The following PCDHA8 variants were observed in gnomAD, a reference collection of about 807,000 sequenced individuals.
PCDHA8 encodes protocadherin alpha-8.
A neutral mutation model predicts 61.8 loss-of-function variants in PCDHA8; 53 were observed. The ratio of observed to expected loss-of-function variants is 0.86; its 90% CI spans 0.69 to 1.08. The LOEUF is 1.08. PCDHA8 is among the 50% of genes least tolerant of loss of function. The pLI is 0.00. For synonymous variants in PCDHA8, 618 were observed against 556.6 expected (o/e 1.11, Z -1.55); for missense variants, 1,293 against 1,245.0 (o/e 1.04, Z -0.58).
rs2150434628 is a variant in PCDHA8, at chr5:140,849,311, C to T, written c.2394+5596C>T. On this transcript the variant is annotated intron_variant, in intron 1 of 3. Transcript: ENST00000531613. ...CCAATGCCTCAGATTTAGACGAAGGCTTGAATGGGGATATTATTTACTCCT... is the reference window on the plus strand; with the variant it reads ...CCAATGCCTCAGATTTAGACGAAGGTTTGAATGGGGATATTATTTACTCCT... 446 of 1,312,408 alleles carry T rather than the reference C, an allele frequency of 3.4e-4. 16 individuals carry two copies. The African/African-American group carries it at 6.8e-3, about 20-fold the overall frequency. 81.3% of individuals were successfully genotyped at this position (1,312,408 alleles called of 1,614,324 possible). A position where few individuals can be genotyped will look rare whatever the true frequency, so the allele number is the denominator to read the frequency against.
intron 1 of PCDHA8, among the ~76,000 whole-genome samples, chr5:140,941,214 C>CCTTTCTTTCTTCCTTT (rs2092876516): frequency 8.2e-6 from 1 of 122,414 alleles, no homozygotes; most frequent in Non-Finnish European, 1.7e-5. Context: ...TTTCTTTCTT[C>CCTTTCTTTCTTCCTTT]CTTTCTTTCT....
At chr5:140,941,319 CTTT>C (rs70988781) in intron 1 of PCDHA8, among the ~76,000 whole-genome samples, 1 of 104,392 alleles carries the variant, frequency 9.6e-6, no homozygotes. Flanking sequence ...TCTTCTTTCT[CTTT>C]TTTTTTTTTT....
At chr5:140,898,371 G>A (rs13156913) in intron 1 of PCDHA8, among the ~76,000 whole-genome samples, 3 of 152,142 alleles carry the variant, frequency 2.0e-5, no homozygotes, top group African/African-American at 7.2e-5. Flanking sequence ...TTTGTATAAG[G>A]TGTAAGGAAG....
chr5:140,963,496 A>C (rs1554226617), intron 1 of PCDHA8, among the ~76,000 whole-genome samples: 2 of 152,232 alleles, frequency 1.3e-5, no homozygotes, highest in African/African-American at 2.4e-5. Context: ...TGAGGAAACA[A>C]ATCTCTTGAA....
intron 1 of PCDHA8, among the ~76,000 whole-genome samples, chr5:140,960,717 T>G (rs367185): frequency 9.9e-5 from 3 of 30,264 alleles, no homozygotes; most frequent in African/African-American, 2.5e-4. Flanking sequence ...ATACTCATCT[T>G]ATTTTAGTCC....
At chr5:140,999,138 C>T (rs530740266) in intron 3 of PCDHA8, among the ~76,000 whole-genome samples, 1 of 152,140 alleles carries the variant, frequency 6.6e-6, no homozygotes, top group Non-Finnish European at 1.5e-5. Flanking sequence ...AATGTCACAG[C>T]CGGAAGTCTT....
intron 1 of PCDHA8, among the ~76,000 whole-genome samples, chr5:140,919,300 C>A (rs547709389): frequency 6.6e-6 from 1 of 152,248 alleles, no homozygotes; most frequent in African/African-American, 2.4e-5. Flanking sequence ...GCTGTTTGTA[C>A]AATATATGTT....
At chr5:140,973,921 C>T (rs1407436010) in intron 1 of PCDHA8, among the ~76,000 whole-genome samples, 1 of 152,210 alleles carries the variant, frequency 6.6e-6, no homozygotes, top group Non-Finnish European at 1.5e-5. Context: ...TGTCACCAAA[C>T]CCAGAGGTTT....
intron 1 of PCDHA8, among the ~76,000 whole-genome samples, chr5:140,855,548 C>T (rs1345944772): frequency 1.3e-5 from 2 of 149,752 alleles, no homozygotes; most frequent in Non-Finnish European, 3.0e-5. Flanking sequence ...AGTGTCAGAA[C>T]TTAAATGGAA....
At chr5:140,995,698 G>A (rs963042409) in intron 3 of PCDHA8, among the ~76,000 whole-genome samples, 2 of 152,104 alleles carry the variant, frequency 1.3e-5, no homozygotes, top group African/African-American at 2.4e-5. Flanking sequence ...TTAAATAAAG[G>A]GCTGGGCTTG....
intron 1 of PCDHA8, among the ~76,000 whole-genome samples, chr5:140,960,257 C>T (rs1554224600): frequency 6.6e-6 from 1 of 152,186 alleles, no homozygotes; most frequent in African/African-American, 2.4e-5. Flanking sequence ...CCTGGAGCTT[C>T]TGATAAATTC....
In PCDHA8 at chr5:140,882,516, T is replaced by C. The variant is rs782263799; in HGVS notation, c.2394+38801T>C. ...CTGGAGGTAAATCTGCAGAATGGCA[T>C]TTTGTTTGTGAATTCTCGGATCGAC... is the stretch of plus-strand genomic sequence containing the variant. On this transcript the variant is annotated intron_variant, in intron 1 of 3. Coordinates refer to ENST00000531613, the MANE Select transcript of PCDHA8 (RefSeq NM_018911.3). 1.4e-5 allele frequency: 22 copies of C among 1,614,068 alleles called. No individual in the cohort carries two copies. The highest frequency in any genetic ancestry group is 4.0e-5 in the African/African-American group (3 of 74,944).
intron 3 of PCDHA8, among the ~76,000 whole-genome samples, chr5:140,991,228 TGCAGTGGTAAAG>T (rs1452293099): frequency 1.1e-4 from 16 of 152,220 alleles, no homozygotes; most frequent in Non-Finnish European, 2.4e-4. Flanking sequence ...CATTAATAAA[TGCAGTGGTAAAG>T]GCAGTATTTG....
intron 1 of PCDHA8, among the ~76,000 whole-genome samples, chr5:140,908,700 G>A (rs1357815625): frequency 6.6e-6 from 1 of 152,184 alleles, no homozygotes; most frequent in Non-Finnish European, 1.5e-5. Flanking sequence ...GACACCTCAA[G>A]CACCATTGGA....
intron 1 of PCDHA8, chr5:140,858,134 G>T (rs1277423393): frequency 3.1e-6 from 5 of 1,597,762 alleles, no homozygotes; most frequent in East Asian, 2.2e-5. Context: ...GGATGTCAAC[G>T]TGTACCTGAT....
chr5:140,943,467 G>C lies in PCDHA8; in HGVS notation c.2395-35482G>C, dbSNP rs559827697. 2.0e-5 allele frequency among the ~76,000 whole-genome samples: 3 copies of C among 152,126 alleles called. No individual in the cohort carries two copies. The East Asian group carries it at 5.8e-4, about 29-fold the overall frequency. On this transcript the variant is annotated intron_variant, in intron 1 of 3. Coordinates refer to ENST00000531613, the MANE Select transcript of PCDHA8 (RefSeq NM_018911.3). ...AGAATTGATAAGGCTAAATGTGGGA[G>C]ATACAGTAAAATAATAAATAGATGC... is the stretch of plus-strand genomic sequence containing the variant.
At chr5:140,969,610 GA>G in intron 1 of PCDHA8, 1 of 723,542 alleles carries the variant, frequency 1.4e-6, no homozygotes, top group East Asian at 2.8e-5. Context: ...CTAAAACACA[GA>G]TTTGTAGAGA....
chr5:140,884,057 G>C lies in PCDHA8; in HGVS notation c.2394+40342G>C, dbSNP rs141156800. On this transcript the variant is annotated intron_variant, in intron 1 of 3. Transcript: ENST00000531613. ...CCACGTGGTGGCGAAGGTGCGCGCG[G>C]TGGACGCCGATTCGGGCTACAATGC... 6.2e-6 allele frequency: 10 copies of C among 1,613,422 alleles called. No homozygotes were observed. In the African/African-American group the frequency reaches 1.3e-4, roughly 22 times the overall value.
chr5:140,960,249 T>C (rs2095534563), intron 1 of PCDHA8, among the ~76,000 whole-genome samples: 1 of 152,210 alleles, frequency 6.6e-6, no homozygotes, highest in African/African-American at 2.4e-5. Flanking sequence ...AGAAGCTTCC[T>C]GGAGCTTCTG....
Sources: allele counts gnomAD v4.1 joint callset (sites outside exome capture counted in the v4.1 genomes callset), GRCh38; gene constraint gnomAD v4.1.1; transcripts MANE v1.5; gene names NCBI Gene and HGNC (gene_info 2026-07-23, HGNC 2026-07-21).